The following FHIT variants were observed in gnomAD, a reference collection of about 807,000 sequenced individuals.
The protein encoded by FHIT is fragile histidine triad diadenosine triphosphatase.
Under a neutral mutation model 17.9 loss-of-function variants are expected in FHIT, and 19 were observed. That is an observed-to-expected ratio of 1.06 (90% CI 0.74 to 1.56). The LOEUF (loss-of-function observed/expected upper bound fraction) is 1.56, where lower values mean the gene tolerates loss of function less well. Among genes scored for constraint, FHIT ranks in the 40% most tolerant of loss-of-function variants. FHIT has a pLI of 0.00. For synonymous variants in FHIT, 81 were observed against 69.7 expected (o/e 1.16, Z -0.81); for missense variants, 248 against 189.2 (o/e 1.31, Z -1.82).
chr3:60,282,361 C>G (rs972538702), intron 5 of FHIT, among the ~76,000 whole-genome samples: 3 of 152,078 alleles, frequency 2.0e-5, no homozygotes, highest in African/African-American at 7.2e-5. Flanking sequence ...AGGCACCTTA[C>G]AGACATACTG....
chr3:61,204,111 T>A (rs918799032), intron 1 of FHIT, among the ~76,000 whole-genome samples: 9 of 152,236 alleles, frequency 5.9e-5, no homozygotes, highest in African/African-American at 2.2e-4. Flanking sequence ...ATACATATTA[T>A]TCTATTTGTA....
At chr3:59,858,595 G>T (rs1236603190) in intron 8 of FHIT, among the ~76,000 whole-genome samples, 1 of 151,952 alleles carries the variant, frequency 6.6e-6, no homozygotes, top group Non-Finnish European at 1.5e-5. Context: ...TCTTGTGGAG[G>T]TGGGTAGTGA....
chr3:60,222,043 G>A (rs993771420), intron 5 of FHIT, among the ~76,000 whole-genome samples: 2 of 152,044 alleles, frequency 1.3e-5, no homozygotes, highest in Non-Finnish European at 2.9e-5. Flanking sequence ...ACAGATACTG[G>A]TAGGCAGTAA....
At chr3:60,178,272 G>A (rs938337297) in intron 5 of FHIT, among the ~76,000 whole-genome samples, 1 of 152,086 alleles carries the variant, frequency 6.6e-6, no homozygotes, top group African/African-American at 2.4e-5. Flanking sequence ...GTTAGCAAGG[G>A]AAAACTATCA....
intron 8 of FHIT, among the ~76,000 whole-genome samples, chr3:59,759,375 A>T (rs1336944858): frequency 6.6e-6 from 1 of 152,192 alleles, no homozygotes; most frequent in African/African-American, 2.4e-5. Context: ...CAACAATCAG[A>T]AGAGAAAGTT....
chr3:60,859,844 G>C (rs782524883), intron 3 of FHIT, among the ~76,000 whole-genome samples: 1 of 137,102 alleles, frequency 7.3e-6, no homozygotes, highest in Non-Finnish European at 1.5e-5. Context: ...AGGAGCTCAA[G>C]ACCAGCCTGG....
rs543422133 is a variant in FHIT at position 60,499,886 on chromosome 3, CTTCTT to C, written c.103+36969_103+36973del. Among the ~76,000 whole-genome samples the C allele has an allele frequency of 1.5e-4, 23 of 149,608 alleles. No homozygotes were observed. In the East Asian group the frequency reaches 4.1e-3, roughly 27 times the overall value. ...GCAGTCCCTCACTCTCAATCATACT[CTTCTT>C]TTTATTTTATTCAGAATAGAAAATC... On this transcript the variant is annotated intron_variant, in intron 5 of 9. Transcript: ENST00000492590.
At chr3:60,494,416 A>G (rs2034205010) in intron 5 of FHIT, among the ~76,000 whole-genome samples, 1 of 142,140 alleles carries the variant, frequency 7.0e-6, no homozygotes, top group Admixed American at 6.8e-5. Flanking sequence ...TAATAATCAC[A>G]TCATGTAAAA....
chr3:60,009,203 GTGTGTGTGTGTGTGTGTGTGTGTGTGTA>G (rs1467092137), intron 7 of FHIT, among the ~76,000 whole-genome samples: 3 of 148,932 alleles, frequency 2.0e-5, no homozygotes, highest in Admixed American at 6.7e-5. Context: ...GTGTGTGTGT[GTGTGTGTGTGTGTGTGTGTGTGTGTGTA>G]TGGTGGTTTT....
At chr3:59,945,002 C>T (rs1706729448) in intron 7 of FHIT, among the ~76,000 whole-genome samples, 2 of 152,094 alleles carry the variant, frequency 1.3e-5, no homozygotes, top group East Asian at 1.9e-4. Context: ...ATGTATGTGT[C>T]TTTATGGTAG....
intron 5 of FHIT, among the ~76,000 whole-genome samples, chr3:60,250,752 C>T (rs1298896732): frequency 6.6e-6 from 1 of 152,110 alleles, no homozygotes; most frequent in Admixed American, 6.5e-5. Flanking sequence ...CTCCAAAGTA[C>T]CTTCCTTTAG....
intron 3 of FHIT, among the ~76,000 whole-genome samples, chr3:60,945,674 T>A (rs1708606426): frequency 6.6e-6 from 1 of 152,136 alleles, no homozygotes; most frequent in South Asian, 2.1e-4. Context: ...TTTATACAGT[T>A]CATGCAGAAT....
intron 8 of FHIT, among the ~76,000 whole-genome samples, chr3:59,828,725 C>T (rs1228024014): frequency 2.6e-5 from 4 of 152,166 alleles, no homozygotes; most frequent in East Asian, 3.9e-4. Context: ...GCAGACTTAA[C>T]GGGAAAATCT....
intron 4 of FHIT, among the ~76,000 whole-genome samples, chr3:60,632,603 T>C (rs7618762): frequency 0.73 from 110,958 of 152,010 alleles, 40,800 homozygotes; most frequent in South Asian, 0.84. Context: ...GATGAAAATG[T>C]GGCCAAAAGA....
intron 8 of FHIT, among the ~76,000 whole-genome samples, chr3:59,886,787 A>G (rs970281181): frequency 1.3e-5 from 2 of 152,206 alleles, no homozygotes; most frequent in African/African-American, 4.8e-5. Context: ...AAACATCCAA[A>G]CCACAGCAAT....
intron 3 of FHIT, among the ~76,000 whole-genome samples, chr3:60,832,172 C>T (rs1553742729): frequency 6.6e-6 from 1 of 151,696 alleles, no homozygotes; most frequent in African/African-American, 2.4e-5. Flanking sequence ...TTCACAATGA[C>T]CTTAAAAGTA....
intron 8 of FHIT, among the ~76,000 whole-genome samples, chr3:59,858,161 AG>A (rs1296546547): frequency 6.6e-6 from 1 of 152,042 alleles, no homozygotes; most frequent in African/African-American, 2.4e-5. Flanking sequence ...CTGCTGTGAA[AG>A]GTGTATGGGA....
intron 3 of FHIT, among the ~76,000 whole-genome samples, chr3:60,888,715 T>C (rs1705348264): frequency 6.6e-6 from 1 of 152,222 alleles, no homozygotes; most frequent in African/African-American, 2.4e-5. Flanking sequence ...AGGCATAATG[T>C]CCATATAAGA....
At chr3:60,752,119 A>G (rs1296314900) in intron 4 of FHIT, among the ~76,000 whole-genome samples, 3 of 152,208 alleles carry the variant, frequency 2.0e-5, no homozygotes, top group Non-Finnish European at 2.9e-5. Context: ...AAGTTTTAGT[A>G]TTCCATAGTC....
Sources: gnomAD v4.1 joint callset for allele counts (sites outside exome capture counted in the v4.1 genomes callset) on GRCh38, gnomAD v4.1.1 for gene constraint, MANE v1.5 for transcripts, NCBI Gene and HGNC (gene_info 2026-07-23, HGNC 2026-07-21) for gene names.